FSTL4: variants seen among roughly 807,000 people sequenced by gnomAD.
The protein encoded by FSTL4 is follistatin-related protein 4.
In FSTL4, 28 loss-of-function variants were observed where a neutral mutation model predicts 78.2. That is an observed-to-expected ratio of 0.36 (90% CI 0.27 to 0.49). The LOEUF (loss-of-function observed/expected upper bound fraction) is 0.49. Among genes scored for constraint, FSTL4 ranks in the 20% least tolerant of loss-of-function variants. The pLI, the probability that FSTL4 is intolerant of heterozygous loss-of-function variation, is 0.98. For synonymous variants in FSTL4, 422 were observed against 440.5 expected, an observed-to-expected ratio of 0.96 and a Z score of 0.53; for missense variants, 922 against 1,084.9, an observed-to-expected ratio of 0.85 and a Z score of 2.11.
At chr5:133,355,610 C>T (rs913975342) in intron 4 of FSTL4, among the ~76,000 whole-genome samples, 29 of 152,120 alleles carry the variant, frequency 1.9e-4, no homozygotes, top group Non-Finnish European at 4.4e-5. Flanking sequence ...GAGTCGAGAT[C>T]GTGCCACTGC....
chr5:133,654,445 C>T, the FSTL4 span, among the ~76,000 whole-genome samples: 2 of 152,226 alleles, frequency 1.3e-5, no homozygotes, highest in African/African-American at 4.8e-5. Flanking sequence ...TTAACCCCCA[C>T]ATCAGACTCT....
In FSTL4 at chr5:133,225,618, T is replaced by A; in HGVS notation, c.1177+40A>T. ...TCCTGGAGTCTCAGCTTGATTTGAA[T>A]GGGAATATCGCATAGACGTCTACCA... On this transcript the variant is annotated intron_variant, in intron 9 of 15. Coordinates refer to ENST00000265342, the MANE Select transcript of FSTL4 (RefSeq NM_015082.2). This position sits in a 1 kb window ranked among gnomAD's most constrained non-coding sequence, Gnocchi z 4.6. 6.7e-7 allele frequency: 1 copy of A among 1,491,338 alleles called. No individual in the cohort carries two copies. The highest frequency in any genetic ancestry group is 2.2e-5 in the Admixed American group (1 of 45,772). 92.4% of individuals were successfully genotyped at this position (1,491,338 alleles called of 1,614,324 possible).
chr5:133,407,790 C>T (rs1756395248), intron 3 of FSTL4, among the ~76,000 whole-genome samples: 1 of 152,220 alleles, frequency 6.6e-6, no homozygotes, highest in Non-Finnish European at 1.5e-5. Context: ...GAAGATCAAA[C>T]ACCAAACACA....
intron 3 of FSTL4, among the ~76,000 whole-genome samples, chr5:133,482,370 G>T (rs1294062360): frequency 6.6e-6 from 1 of 152,228 alleles, no homozygotes; most frequent in African/African-American, 2.4e-5. Context: ...AACAATAGGA[G>T]AATCTGTTAA....
the FSTL4 span, among the ~76,000 whole-genome samples, chr5:133,836,042 C>T: frequency 6.6e-6 from 1 of 152,224 alleles, no homozygotes; most frequent in East Asian, 1.9e-4. Flanking sequence ...GTAAAAGTTA[C>T]TTTTTCTCCT....
At chr5:133,802,484 T>A in the FSTL4 span, among the ~76,000 whole-genome samples, 1 of 152,160 alleles carries the variant, frequency 6.6e-6, no homozygotes, top group Non-Finnish European at 1.5e-5. Flanking sequence ...TTTGTAATGC[T>A]CCAGGGAGGA....
At chr5:133,405,329 A>G (rs1405414930) in intron 3 of FSTL4, among the ~76,000 whole-genome samples, 1 of 152,218 alleles carries the variant, frequency 6.6e-6, no homozygotes, top group East Asian at 1.9e-4. Flanking sequence ...TGTGTGCAGC[A>G]TCAAGAACCT....
In FSTL4 at chr5:133,385,085, AG is replaced by A. The variant is rs368259670; in HGVS notation, c.409+15652del. Among the ~76,000 whole-genome samples, 1,041 of 152,210 alleles carry A rather than the reference AG, an allele frequency of 6.8e-3. 8 individuals are homozygous for A. Among genetic ancestry groups the A allele is most frequent in the African/African-American group, 0.024 (995 of 41,532 alleles). On this transcript the variant is annotated intron_variant, in intron 4 of 15. Coordinates refer to ENST00000265342, the MANE Select transcript of FSTL4 (RefSeq NM_015082.2). ...CTCCCCACCCTGGTTTACAATAGGC[AG>A]GGGGTGTGTGTCCCCTCTCAGCTCC... is the stretch of plus-strand genomic sequence containing the variant.
At chr5:133,664,660 G>A in the FSTL4 span, among the ~76,000 whole-genome samples, 1 of 152,210 alleles carries the variant, frequency 6.6e-6, no homozygotes, top group Non-Finnish European at 1.5e-5. Flanking sequence ...TCTGTCCTTT[G>A]CAGCTTTGTC....
chr5:133,575,907 C>G (rs1561474899), intron 2 of FSTL4, among the ~76,000 whole-genome samples: 1 of 152,182 alleles, frequency 6.6e-6, no homozygotes, highest in African/African-American at 2.4e-5. Flanking sequence ...CTGCTCATAA[C>G]CTTTCTACGA....
intron 8 of FSTL4, among the ~76,000 whole-genome samples, chr5:133,226,280 T>G (rs1410863810): frequency 6.6e-6 from 1 of 152,242 alleles, no homozygotes; most frequent in Non-Finnish European, 1.5e-5. Context: ...GGAAGTTCAT[T>G]CATTTTCCAG....
chr5:133,789,902 C>A, the FSTL4 span, among the ~76,000 whole-genome samples: 1 of 152,310 alleles, frequency 6.6e-6, no homozygotes, highest in African/African-American at 2.4e-5. Flanking sequence ...CCCATCTCCA[C>A]ATACAGCCAT....
the FSTL4 span, among the ~76,000 whole-genome samples, chr5:133,753,430 T>A: frequency 6.6e-6 from 1 of 152,092 alleles, no homozygotes; most frequent in African/African-American, 2.4e-5. Context: ...TAAGGGAGGG[T>A]GGGACCCAGG....
chr5:133,202,301 C>G (rs906589211), intron 14 of FSTL4: 1 of 263,600 alleles, frequency 3.8e-6, no homozygotes, highest in Non-Finnish European at 7.2e-6. Context: ...CATGGTTAAG[C>G]CTGCCTTGCT....
chr5:133,501,861 T>C (rs904059223), intron 3 of FSTL4, among the ~76,000 whole-genome samples: 5 of 152,138 alleles, frequency 3.3e-5, no homozygotes, highest in African/African-American at 9.7e-5. Flanking sequence ...AGGCCATTGG[T>C]GTGGGCCCTA....
At chr5:133,320,514 G>C (rs1302169209) in intron 4 of FSTL4, among the ~76,000 whole-genome samples, 2 of 152,098 alleles carry the variant, frequency 1.3e-5, no homozygotes, top group African/African-American at 4.8e-5. Context: ...TAAAAATAAA[G>C]AAAAAGAAAA....
intron 6 of FSTL4, among the ~76,000 whole-genome samples, chr5:133,282,793 C>A (rs1341645613): frequency 1.3e-5 from 2 of 152,180 alleles, no homozygotes; most frequent in African/African-American, 4.8e-5. Flanking sequence ...GTCACCCTTG[C>A]CCTAGTTGTC....
intron 1 of FSTL4, among the ~76,000 whole-genome samples, chr5:133,604,664 A>C (rs1039478376): frequency 2.6e-5 from 4 of 152,184 alleles, no homozygotes; most frequent in African/African-American, 9.7e-5. Flanking sequence ...AGCCGAGATC[A>C]TACCTCTGCA....
chr5:133,676,281 C>A, the FSTL4 span, among the ~76,000 whole-genome samples: 2 of 152,206 alleles, frequency 1.3e-5, no homozygotes, highest in East Asian at 3.8e-4. Context: ...TATCTTATAA[C>A]CCTATGGACT....
Sources: gnomAD v4.1 joint callset for allele counts (sites outside exome capture counted in the v4.1 genomes callset) on GRCh38, gnomAD v4.1.1 for gene constraint, Gnocchi (gnomAD v3.1) non-coding constraint, MANE v1.5 for transcripts, NCBI Gene and HGNC (gene_info 2026-07-23, HGNC 2026-07-21) for gene names.